FOCAD: variants seen among roughly 807,000 people sequenced by gnomAD.
FOCAD encodes KIAA1797.
A neutral mutation model predicts 225.6 loss-of-function variants in FOCAD; 198 were observed. The observed-to-expected ratio is 0.88, with a 90% CI of 0.78 to 0.99. FOCAD has a LOEUF of 0.99. Among genes scored for constraint, FOCAD ranks in the 50% least tolerant of loss-of-function variants. The probability of loss-of-function intolerance (pLI) is 0.00; values close to 1 mark genes in which losing one functional copy is unlikely to be tolerated. For missense variants in FOCAD, 2,713 were observed against 2,123.6 expected, an observed-to-expected ratio of 1.28 and a Z score of -5.46; for synonymous variants, 897 against 755.0, an observed-to-expected ratio of 1.19 and a Z score of -3.08.
chr9:20,712,215 A>G (rs1424728271), intron 1 of FOCAD, among the ~76,000 whole-genome samples: 1 of 152,180 alleles, frequency 6.6e-6, no homozygotes, highest in African/African-American at 2.4e-5. Context: ...TCCAAAATGG[A>G]ATTCTTTGTC....
At chr9:20,929,721 T>C in intron 27 of FOCAD, 125 bp downstream of exon 27, 1 of 706,354 alleles carries the variant, frequency 1.4e-6, no homozygotes, top group Non-Finnish European at 2.4e-6. Context: ...CTTTCTGAGA[T>C]GGGCAAGTTG....
chr9:20,745,122 T>C (rs1281326551), intron 5 of FOCAD, among the ~76,000 whole-genome samples: 1 of 152,000 alleles, frequency 6.6e-6, no homozygotes, highest in Non-Finnish European at 1.5e-5. Context: ...ACATTTTTTT[T>C]TTTTTGAGAC....
intron 1 of FOCAD, among the ~76,000 whole-genome samples, chr9:20,713,919 A>T (rs531334446): frequency 6.6e-6 from 1 of 152,318 alleles, no homozygotes; most frequent in Non-Finnish European, 1.5e-5. Flanking sequence ...AAGCTAATAA[A>T]GTAGATTTAG....
intron 15 of FOCAD, among the ~76,000 whole-genome samples, chr9:20,826,082 A>G (rs1422059662): frequency 6.6e-6 from 1 of 152,026 alleles, no homozygotes; most frequent in African/African-American, 2.4e-5. Context: ...TACAGCTACT[A>G]TTTCTTGGGT....
At chr9:20,947,470 A>G (rs1219044732) in intron 30 of FOCAD, among the ~76,000 whole-genome samples, 1 of 152,152 alleles carries the variant, frequency 6.6e-6, no homozygotes, top group Non-Finnish European at 1.5e-5. Context: ...CAGAAAGTAG[A>G]ATGGTGGTTG....
At chr9:20,992,075 C>T (rs1342037250) in intron 42 of FOCAD, among the ~76,000 whole-genome samples, 1 of 152,136 alleles carries the variant, frequency 6.6e-6, no homozygotes, top group African/African-American at 2.4e-5. Context: ...TTCAATCTAG[C>T]TTCTATATGT....
chr9:20,929,949 G>T (rs1835311189), intron 27 of FOCAD, among the ~76,000 whole-genome samples: 1 of 152,170 alleles, frequency 6.6e-6, no homozygotes, highest in Admixed American at 6.5e-5. Flanking sequence ...TGTATGGGAT[G>T]AAAATAACTG....
chr9:20,975,343 A>G (rs1467909012), intron 35 of FOCAD, among the ~76,000 whole-genome samples: 1 of 152,204 alleles, frequency 6.6e-6, no homozygotes, highest in Admixed American at 6.5e-5. Flanking sequence ...TATAATATTA[A>G]AGTAATGGTA....
chr9:20,774,335 G>A (rs139422255), intron 8 of FOCAD, among the ~76,000 whole-genome samples: 16 of 152,314 alleles, frequency 1.1e-4, no homozygotes, highest in Middle Eastern at 3.4e-3. Context: ...GAGGCACAAT[G>A]TGTGTTGCTT....
intron 15 of FOCAD, among the ~76,000 whole-genome samples, chr9:20,847,345 G>C (rs1221328760): frequency 6.6e-6 from 1 of 152,030 alleles, no homozygotes; most frequent in East Asian, 1.9e-4. Flanking sequence ...TTTGTGACTG[G>C]CTTATTTCAC....
chr9:20,768,666 T>C (rs1282299059), intron 7 of FOCAD, among the ~76,000 whole-genome samples: 2 of 152,182 alleles, frequency 1.3e-5, no homozygotes, highest in Non-Finnish European at 2.9e-5. Flanking sequence ...CATTTAAATT[T>C]TAAAATACAA....
chr9:20,666,201 A>G (rs1821895893), intron 2 of FOCAD, among the ~76,000 whole-genome samples: 1 of 152,176 alleles, frequency 6.6e-6, no homozygotes, highest in South Asian at 2.1e-4. Flanking sequence ...CATTGTTTAA[A>G]CTATTTACCC....
At chr9:20,672,545 G>T (rs1587190511) in intron 2 of FOCAD, among the ~76,000 whole-genome samples, 2 of 152,164 alleles carry the variant, frequency 1.3e-5, no homozygotes, top group East Asian at 3.9e-4. Flanking sequence ...CTGCCTCCCG[G>T]GCTCACGCCA....
chr9:20,922,969 G>C (rs989832295), intron 24 of FOCAD, among the ~76,000 whole-genome samples: 3 of 152,142 alleles, frequency 2.0e-5, no homozygotes, highest in African/African-American at 7.2e-5. Context: ...AAACTCTTAA[G>C]AGTTTATTGC....
intron 4 of FOCAD, among the ~76,000 whole-genome samples, chr9:20,724,928 G>T (rs1214922805): frequency 6.6e-6 from 1 of 152,182 alleles, no homozygotes; most frequent in Non-Finnish European, 1.5e-5. Flanking sequence ...CAGCACTTTG[G>T]GAGGCTGAGG....
In FOCAD at chr9:20,920,772, A is replaced by T. The variant is rs182223471; in HGVS notation, c.2853-2888A>T. ...GGTGGGAATTGAACAATGAGAACAC[A>T]TGGACACAGGAAAGGGAACATCACA... On this transcript the variant is annotated intron_variant, in intron 24 of 43. Coordinates refer to ENST00000338382, the MANE Select transcript of FOCAD (RefSeq NM_001375567.1). Among the ~76,000 whole-genome samples the T allele has an allele frequency of 6.4e-3, 970 of 151,108 alleles. 6 individuals carry two copies. Among genetic ancestry groups the T allele is most frequent in the African/African-American group, 0.022 (914 of 41,262 alleles).
intron 15 of FOCAD, 127 bp from the exon 16 acceptor site, chr9:20,862,450 TC>T: frequency 2.0e-6 from 2 of 1,011,024 alleles, no homozygotes; most frequent in Non-Finnish European, 2.8e-6. Context: ...CCTTATTAAG[TC>T]CTATCTTCTA....
At chr9:20,841,539 T>C (rs1393345940) in intron 15 of FOCAD, among the ~76,000 whole-genome samples, 4 of 151,876 alleles carry the variant, frequency 2.6e-5, no homozygotes, top group African/African-American at 9.7e-5. Context: ...TTTCAATTTA[T>C]TGTCATATAG....
At chr9:20,715,092 A>G (rs1012640034) in intron 1 of FOCAD, among the ~76,000 whole-genome samples, 4 of 152,150 alleles carry the variant, frequency 2.6e-5, no homozygotes, top group Non-Finnish European at 5.9e-5. Flanking sequence ...ATTAGCTCTC[A>G]TGGGAAAAAC....
Sources: gnomAD v4.1 joint callset for allele counts (sites outside exome capture counted in the v4.1 genomes callset) on GRCh38, gnomAD v4.1.1 for gene constraint, MANE v1.5 for transcripts, NCBI Gene and HGNC (gene_info 2026-07-23, HGNC 2026-07-21) for gene names.